HTR1E: variants seen among roughly 807,000 people sequenced by gnomAD.
The protein encoded by HTR1E is 5-HT-1E.
HTR1E carries 3 observed loss-of-function variants against 3.4 expected under a neutral mutation model. The observed-to-expected ratio is 0.89, with a 90% CI of 0.41 to 2.31. The LOEUF is 2.31. Ranked by LOEUF, HTR1E falls within the 30% of genes most tolerant of loss-of-function variation. The pLI, the probability that HTR1E is intolerant of heterozygous loss-of-function variation, is 0.05. For missense variants in HTR1E, 392 were observed against 467.0 expected, an observed-to-expected ratio of 0.84 and a Z score of 1.48; for synonymous variants, 170 against 182.8, an observed-to-expected ratio of 0.93 and a Z score of 0.56.
intron 1 of HTR1E, among the ~76,000 whole-genome samples, chr6:86,980,891 G>C (rs1400419323): frequency 6.6e-6 from 1 of 152,120 alleles, no homozygotes; most frequent in East Asian, 1.9e-4. Context: ...AGTATGTGTG[G>C]GTGGGTGTGT....
intron 1 of HTR1E, among the ~76,000 whole-genome samples, chr6:87,012,701 CA>C (rs1768255572): frequency 6.6e-6 from 1 of 152,194 alleles, no homozygotes; most frequent in South Asian, 2.1e-4. Context: ...TGACCGCAAA[CA>C]CTTACATAGT....
intron 1 of HTR1E, among the ~76,000 whole-genome samples, chr6:86,987,917 C>T (rs1284829731): frequency 6.6e-6 from 1 of 152,118 alleles, no homozygotes; most frequent in African/African-American, 2.4e-5. Context: ...TTAAAGGCTC[C>T]ACCTTTTAGT....
At chr6:87,009,476 C>T (rs529289426) in intron 1 of HTR1E, among the ~76,000 whole-genome samples, 1 of 151,740 alleles carries the variant, frequency 6.6e-6, no homozygotes, top group Admixed American at 6.6e-5. Flanking sequence ...CACACAGACA[C>T]GGCAACCATC....
chr6:87,006,860 G>A (rs1435433267), intron 1 of HTR1E, among the ~76,000 whole-genome samples: 6 of 152,166 alleles, frequency 3.9e-5, no homozygotes, highest in South Asian at 2.1e-4. Flanking sequence ...ACTTATAAGT[G>A]GTAGCTGAAC....
chr6:87,009,023 T>A (rs1768160088), intron 1 of HTR1E, among the ~76,000 whole-genome samples: 1 of 152,102 alleles, frequency 6.6e-6, no homozygotes, highest in Non-Finnish European at 1.5e-5. Context: ...GTCTTTTGAG[T>A]CCCTTTTAGT....
intron 1 of HTR1E, among the ~76,000 whole-genome samples, chr6:86,949,810 T>C (rs1767200930): frequency 6.6e-6 from 1 of 152,244 alleles, no homozygotes; most frequent in African/African-American, 2.4e-5. Context: ...CTGTGTTTTA[T>C]TTAGCACCTT....
chr6:86,954,340 T>C (rs1401261225), intron 1 of HTR1E, among the ~76,000 whole-genome samples: 1 of 151,554 alleles, frequency 6.6e-6, no homozygotes, highest in Non-Finnish European at 1.5e-5. Flanking sequence ...TTATTCAACT[T>C]ACTTTATTCA....
At chr6:86,947,087 G>GCCTGGGCAA (rs1768627462) in intron 1 of HTR1E, among the ~76,000 whole-genome samples, 1 of 151,978 alleles carries the variant, frequency 6.6e-6, no homozygotes, top group Non-Finnish European at 1.5e-5. Context: ...TTGCACTCCA[G>GCCTGGGCAA]CCTGGGCAAC....
chr6:86,983,638 G>A (rs909509313), intron 1 of HTR1E, among the ~76,000 whole-genome samples: 8 of 152,074 alleles, frequency 5.3e-5, no homozygotes, highest in South Asian at 2.1e-4. Flanking sequence ...TTTATTGTAC[G>A]TTTCAAAATA....
intron 1 of HTR1E, among the ~76,000 whole-genome samples, chr6:86,952,025 G>A (rs1324749380): frequency 6.6e-6 from 1 of 152,246 alleles, no homozygotes; most frequent in East Asian, 1.9e-4. Flanking sequence ...ACAAGTACAC[G>A]ATGCCTACTT....
At chr6:87,011,337 C>G (rs1021083897) in intron 1 of HTR1E, among the ~76,000 whole-genome samples, 8 of 152,156 alleles carry the variant, frequency 5.3e-5, no homozygotes, top group African/African-American at 1.9e-4. Context: ...GAAGTCAGTA[C>G]TTAACACAGG....
chr6:87,000,701 T>A (rs547583283), intron 1 of HTR1E, among the ~76,000 whole-genome samples: 8 of 152,222 alleles, frequency 5.3e-5, no homozygotes, highest in Admixed American at 4.6e-4. Context: ...AGACAAACAA[T>A]AGCTGAGGGA....
At chr6:86,993,120 A>T (rs1041731416) in intron 1 of HTR1E, among the ~76,000 whole-genome samples, 2 of 152,178 alleles carry the variant, frequency 1.3e-5, no homozygotes, top group African/African-American at 4.8e-5. Flanking sequence ...CTCAAAGTTC[A>T]TTCTCCAAAA....
chr6:87,008,180 TA>T (rs1293706907), intron 1 of HTR1E, among the ~76,000 whole-genome samples: 1 of 151,858 alleles, frequency 6.6e-6, no homozygotes, highest in Non-Finnish European at 1.5e-5. Context: ...TTTAAATAAA[TA>T]AAAAAAGAAA....
intron 1 of HTR1E, among the ~76,000 whole-genome samples, chr6:87,009,695 C>A (rs1582284488): frequency 1.4e-5 from 2 of 144,000 alleles, no homozygotes; most frequent in East Asian, 2.3e-4. Flanking sequence ...GGGGGGCCGA[C>A]CCCCCAACCT....
At chr6:87,010,821 G>A (rs867596462) in intron 1 of HTR1E, among the ~76,000 whole-genome samples, 54 of 151,962 alleles carry the variant, frequency 3.6e-4, no homozygotes, top group Admixed American at 6.5e-4. Flanking sequence ...CTCGGGCCCC[G>A]CGGGGCCCGT....
chr6:87,015,795 C>G lies in HTR1E; in HGVS notation c.461C>G (p.Ser154Cys), dbSNP rs926195051. 2 of 1,611,662 alleles carry G rather than the reference C, an allele frequency of 1.2e-6. No homozygotes were observed. Among genetic ancestry groups the G allele is most frequent in the East Asian group, 4.5e-5 (2 of 44,848 alleles). ...LTVWTISIFI[S>C]MPPLFWRSHR... Reference sequence around the variant, plus strand: ...GTCTGGACCATCTCCATTTTCATCTCCATGCCCCCTCTGTTCTGGAGAAGC... The same window carrying G: ...GTCTGGACCATCTCCATTTTCATCTGCATGCCCCCTCTGTTCTGGAGAAGC... The change falls in exon 2 of 2, where the codon TCC (serine) becomes TGC (cysteine). Residue 154 changes from serine (S) to cysteine (C), a missense_variant. Ser to Cys is a moderately radical substitution (Grantham distance 112). This residue lies in a region of HTR1E where 189 missense variants were observed against 258.0 expected (regional missense o/e 0.73). Transcript: ENST00000305344.
intron 1 of HTR1E, among the ~76,000 whole-genome samples, chr6:86,955,883 C>A (rs953343032): frequency 6.6e-6 from 1 of 151,830 alleles, no homozygotes; most frequent in Non-Finnish European, 1.5e-5. Flanking sequence ...AAATAAAATT[C>A]TAAGACCCCC....
chr6:86,995,996 C>G (rs4707337), intron 1 of HTR1E, among the ~76,000 whole-genome samples: 27,809 of 151,676 alleles, frequency 0.18, 3,271 homozygotes, highest in African/African-American at 0.32. Flanking sequence ...AACAGAACTG[C>G]AAAGAGAAAC....
Sources: allele counts gnomAD v4.1 joint callset (sites outside exome capture counted in the v4.1 genomes callset), GRCh38; gene constraint gnomAD v4.1.1; regional missense constraint gnomAD v4.1.1; transcripts MANE v1.5; gene names NCBI Gene and HGNC (gene_info 2026-07-23, HGNC 2026-07-21).